The following DCAF7 variants were observed in gnomAD, a reference collection of about 807,000 sequenced individuals.
DCAF7 encodes the protein DDB1- and CUL4-associated factor 7.
DCAF7 carries 4 observed loss-of-function variants against 41.2 expected under a neutral mutation model. The ratio of observed to expected loss-of-function variants is 0.10; its 90% confidence interval spans 0.05 to 0.22. DCAF7 has a LOEUF of 0.22. Among genes scored for constraint, DCAF7 ranks in the 10% least tolerant of loss-of-function variants. The pLI is 1.00. For synonymous variants in DCAF7, 143 were observed against 164.2 expected, an observed-to-expected ratio of 0.87 and a Z score of 0.99; for missense variants, 131 against 443.2, an observed-to-expected ratio of 0.30 and a Z score of 6.32.
chr17:63,550,620 C>T lies in DCAF7; in HGVS notation c.-58C>T, dbSNP rs2033238246. The stretch of plus-strand genomic sequence containing the variant: ...TCGGACCCATAGATCTCAGGCTCGG[C>T]TCCCCGCCCGCCGCAGCCCACTGTT... On this transcript the variant is annotated 5_prime_UTR_variant, in exon 1 of 7. Transcript: ENST00000614556. The surrounding 1 kb of genome is among the most constrained non-coding windows in gnomAD (Gnocchi z 4.8). 6.3e-7 allele frequency: 1 copy of T among 1,595,638 alleles called. No individual in the cohort carries two copies. The highest frequency in any genetic ancestry group is 1.3e-5 in the African/African-American group (1 of 74,704).
At chr17:63,557,135 C>T (rs1450443028) in intron 1 of DCAF7, among the ~76,000 whole-genome samples, 1 of 152,076 alleles carries the variant, frequency 6.6e-6, no homozygotes, top group African/African-American at 2.4e-5. Flanking sequence ...AGTACCCATA[C>T]TAAAAAGATG....
chr17:63,575,477 A>G (rs1409362085), intron 1 of DCAF7, among the ~76,000 whole-genome samples: 1 of 152,228 alleles, frequency 6.6e-6, no homozygotes. Flanking sequence ...AGACAGGCAG[A>G]TCACTTGAGG....
chr17:63,582,420 TTCTC>T (rs1018236049), intron 4 of DCAF7, among the ~76,000 whole-genome samples: 6 of 151,990 alleles, frequency 3.9e-5, no homozygotes, highest in East Asian at 1.9e-4. Context: ...GTTTTTCTGT[TTCTC>T]TCTCTATTTG....
intron 1 of DCAF7, among the ~76,000 whole-genome samples, chr17:63,570,426 C>T (rs1488959210): frequency 1.3e-5 from 2 of 151,898 alleles, no homozygotes; most frequent in Non-Finnish European, 2.9e-5. Flanking sequence ...TGCACTCCAG[C>T]CTGGGCAACA....
Position 63,580,105 on chromosome 17 carries a change from A to G in DCAF7, c.528+162A>G, listed in dbSNP as rs191036931. ...ATAGTAATGTATCAAAAACGGGAAAACAACACTATTGTAAACTAATGCTTT... is the reference window on the plus strand; with the variant it reads ...ATAGTAATGTATCAAAAACGGGAAAGCAACACTATTGTAAACTAATGCTTT... On this transcript the variant is annotated intron_variant, in intron 4 of 6. Coordinates refer to ENST00000614556, the MANE Select transcript of DCAF7 (RefSeq NM_005828.5). Among the ~76,000 whole-genome samples the G allele has an allele frequency of 9.0e-4, 137 of 152,286 alleles. 1 individual carries two copies. The Middle Eastern group carries it at 0.017, about 19-fold the overall frequency.
At chr17:63,562,176 T>A (rs2033389677) in intron 1 of DCAF7, among the ~76,000 whole-genome samples, 1 of 152,176 alleles carries the variant, frequency 6.6e-6, no homozygotes, top group Non-Finnish European at 1.5e-5. Flanking sequence ...AAATGTGAAA[T>A]ATGTGATAAG....
At chr17:63,563,725 G>A (rs977076709) in intron 1 of DCAF7, among the ~76,000 whole-genome samples, 22 of 152,210 alleles carry the variant, frequency 1.4e-4, no homozygotes, top group Non-Finnish European at 1.0e-4. Context: ...TGAGATGGGA[G>A]GATCACTTGA....
chr17:63,584,340 C>T (rs577197558), intron 5 of DCAF7, among the ~76,000 whole-genome samples: 9 of 152,202 alleles, frequency 5.9e-5, no homozygotes, highest in African/African-American at 1.9e-4. Flanking sequence ...TGGTGGCATA[C>T]GCCTGTAGTT....
Position 63,590,440 on chromosome 17 carries a change from C to G in DCAF7, c.*1268C>G, listed in dbSNP as rs1413481755. ...AAGAAGGAAAAGGAATTATAGACCC[C>G]CAGGGTCAGCCAGTTAAGAGCTCTA... On this transcript the variant is annotated 3_prime_UTR_variant, in exon 7 of 7. Transcript: ENST00000614556. 6.5e-6 allele frequency: 1 copy of G among 152,722 alleles called. No homozygotes were observed. The allele number at this position is 152,722 out of a possible 1,614,324, so 9.5% of individuals were successfully genotyped here.
At chr17:63,586,149 A>AT (rs1443280104) in intron 6 of DCAF7, among the ~76,000 whole-genome samples, 1 of 150,044 alleles carries the variant, frequency 6.7e-6, no homozygotes, top group Non-Finnish European at 1.5e-5. Flanking sequence ...AAAAAAAAAA[A>AT]GTACCCCTTA....
At chr17:63,571,999 A>G (rs760310339) in intron 1 of DCAF7, among the ~76,000 whole-genome samples, 6 of 152,046 alleles carry the variant, frequency 3.9e-5, no homozygotes, top group Non-Finnish European at 5.9e-5. Context: ...GGCATTTACT[A>G]AGTGAAATAG....
intron 1 of DCAF7, among the ~76,000 whole-genome samples, chr17:63,571,007 G>A (rs1057293908): frequency 3.3e-5 from 5 of 152,066 alleles, no homozygotes; most frequent in African/African-American, 9.7e-5. Flanking sequence ...CCAACATGGC[G>A]AAGCCCTGTC....
At chr17:63,586,576 C>G (rs911904656) in intron 6 of DCAF7, among the ~76,000 whole-genome samples, 7 of 151,840 alleles carry the variant, frequency 4.6e-5, no homozygotes, top group African/African-American at 1.7e-4. Flanking sequence ...CCATCCTGGC[C>G]AACATGGTGA....
chr17:63,569,211 A>G (rs112855163), intron 1 of DCAF7, among the ~76,000 whole-genome samples: 4 of 152,294 alleles, frequency 2.6e-5, no homozygotes, highest in Non-Finnish European at 2.9e-5. Flanking sequence ...GCACTGATCT[A>G]GGAGAGAAGA....
chr17:63,553,924 C>T (rs1263932612), intron 1 of DCAF7, among the ~76,000 whole-genome samples: 1 of 152,190 alleles, frequency 6.6e-6, no homozygotes, highest in African/African-American at 2.4e-5. Context: ...CATTATAGGG[C>T]TGGGCGTGGT....
At chr17:63,588,767 G>A (rs1339256360) in intron 6 of DCAF7, among the ~76,000 whole-genome samples, 1 of 152,170 alleles carries the variant, frequency 6.6e-6, no homozygotes, top group African/African-American at 2.4e-5. Flanking sequence ...GATGGAGTCA[G>A]GGCCTAGATT....
chr17:63,566,871 G>A (rs2033447870), intron 1 of DCAF7, among the ~76,000 whole-genome samples: 1 of 152,196 alleles, frequency 6.6e-6, no homozygotes, highest in Non-Finnish European at 1.5e-5. Flanking sequence ...CTGTGATCAT[G>A]CCACCGCTCT....
At chr17:63,554,161 C>A (rs1369499872) in intron 1 of DCAF7, among the ~76,000 whole-genome samples, 1 of 152,182 alleles carries the variant, frequency 6.6e-6, no homozygotes, top group Admixed American at 6.5e-5. Context: ...GCCAAGATCA[C>A]GCCACTGCAC....
chr17:63,579,306 C>A, intron 2 of DCAF7, 31 bp from the exon 3 acceptor site: 1 of 1,493,590 alleles, frequency 6.7e-7, no homozygotes, highest in Non-Finnish European at 9.2e-7. Flanking sequence ...ATAAGACTGG[C>A]TGATTTTTTT....
Sources: allele counts gnomAD v4.1 joint callset (sites outside exome capture counted in the v4.1 genomes callset), GRCh38; gene constraint gnomAD v4.1.1; non-coding constraint Gnocchi (gnomAD v3.1); transcripts MANE v1.5; gene names NCBI Gene and HGNC (gene_info 2026-07-23, HGNC 2026-07-21).